The following ACSS3 variants were observed in gnomAD, a reference collection of about 807,000 sequenced individuals.
ACSS3 encodes the protein acyl-CoA synthetase short-chain family member 3, mitochondrial.
A neutral mutation model predicts 84.2 loss-of-function variants in ACSS3; 64 were observed. The ratio of observed to expected loss-of-function variants is 0.76; its 90% CI spans 0.62 to 0.94. The LOEUF is 0.94. Ranked by LOEUF, ACSS3 falls within the 40% of genes least tolerant of loss-of-function variation. The pLI is 0.00. For synonymous variants in ACSS3, 317 were observed against 310.1 expected (o/e 1.02, Z -0.23); for missense variants, 815 against 867.6 (o/e 0.94, Z 0.76).
At chr12:81,087,748 C>T (rs541809206) in intron 1 of ACSS3, among the ~76,000 whole-genome samples, 1 of 152,052 alleles carries the variant, frequency 6.6e-6, no homozygotes, top group Non-Finnish European at 1.5e-5. Context: ...ACTGTGCCTT[C>T]CTCTAACTCT....
At position 81,255,405 on chromosome 12, in the gene ACSS3, G is replaced by A. The variant is rs969294980; in HGVS notation, c.*483G>A. 1 of 152,538 alleles carries A rather than the reference G, an allele frequency of 6.6e-6. No homozygotes were observed. The highest frequency in any genetic ancestry group is 6.5e-5 in the Admixed American group (1 of 15,284). The allele number at this position is 152,538 out of a possible 1,614,324, so 9.4% of individuals were successfully genotyped here. ...TTAAATAAAATAGATGAAATGGGAA[G>A]TTTAGGTAATCATCTAGACAGATGA... is the stretch of plus-strand genomic sequence containing the variant. On this transcript the variant is annotated 3_prime_UTR_variant, in exon 16 of 16. Transcript: ENST00000548058.
intron 13 of ACSS3, among the ~76,000 whole-genome samples, chr12:81,246,280 G>A (rs1404029575): frequency 6.6e-6 from 1 of 152,178 alleles, no homozygotes; most frequent in East Asian, 1.9e-4. Flanking sequence ...ATTTTCTGCA[G>A]CTCTGTAGAG....
intron 8 of ACSS3, among the ~76,000 whole-genome samples, chr12:81,198,204 C>G (rs909809983): frequency 5.9e-5 from 9 of 152,088 alleles, no homozygotes; most frequent in Admixed American, 5.9e-4. Context: ...TTCTGAGCAT[C>G]TAGAAATGTT....
chr12:81,087,567 C>G (rs752331114), intron 1 of ACSS3, among the ~76,000 whole-genome samples: 12 of 152,052 alleles, frequency 7.9e-5, no homozygotes, highest in Non-Finnish European at 1.5e-4. Context: ...GTATTATTGT[C>G]CATTTGCTAA....
chr12:81,140,574 T>C (rs545032764), intron 4 of ACSS3, among the ~76,000 whole-genome samples: 1 of 152,352 alleles, frequency 6.6e-6, no homozygotes, highest in Admixed American at 6.5e-5. Flanking sequence ...AATTCCTGTG[T>C]AAAGTTTTAG....
At chr12:81,088,391 G>A (rs1881456624) in intron 1 of ACSS3, among the ~76,000 whole-genome samples, 1 of 151,860 alleles carries the variant, frequency 6.6e-6, no homozygotes, top group Non-Finnish European at 1.5e-5. Context: ...ATGACTGTTG[G>A]GATAATTTAG....
At chr12:81,154,553 C>T (rs910108321) in intron 7 of ACSS3, among the ~76,000 whole-genome samples, 4 of 152,216 alleles carry the variant, frequency 2.6e-5, no homozygotes, top group African/African-American at 9.6e-5. Flanking sequence ...TAGACCTTTG[C>T]CTGCTTCAAC....
chr12:81,202,801 T>C (rs1209719892), intron 9 of ACSS3, among the ~76,000 whole-genome samples: 1 of 152,194 alleles, frequency 6.6e-6, no homozygotes, highest in African/African-American at 2.4e-5. Context: ...CTAAAACGTA[T>C]GAATAAAAAT....
intron 8 of ACSS3, among the ~76,000 whole-genome samples, chr12:81,191,588 G>T (rs1183349546): frequency 6.6e-6 from 1 of 152,156 alleles, no homozygotes; most frequent in Non-Finnish European, 1.5e-5. Context: ...AGGTTTTTAA[G>T]TTATGAATTC....
At chr12:81,093,231 A>G (rs560273051) in intron 1 of ACSS3, among the ~76,000 whole-genome samples, 60 of 152,148 alleles carry the variant, frequency 3.9e-4, no homozygotes, top group African/African-American at 1.1e-3. Context: ...AAGCGGATCA[A>G]TTGGGGTCAG....
At chr12:81,093,042 G>A (rs926863909) in intron 1 of ACSS3, among the ~76,000 whole-genome samples, 3 of 152,194 alleles carry the variant, frequency 2.0e-5, no homozygotes, top group South Asian at 2.1e-4. Flanking sequence ...GGTATAGGTT[G>A]GACATTAGAT....
intron 1 of ACSS3, among the ~76,000 whole-genome samples, chr12:81,100,834 C>T (rs2121418779): frequency 6.6e-6 from 1 of 152,258 alleles, no homozygotes; most frequent in African/African-American, 2.4e-5. Flanking sequence ...GTAGTAAGTA[C>T]CCACTGGCTT....
chr12:81,093,264 A>G (rs201153107), intron 1 of ACSS3, among the ~76,000 whole-genome samples: 1 of 152,212 alleles, frequency 6.6e-6, no homozygotes, highest in Non-Finnish European at 1.5e-5. Flanking sequence ...ATACTGACCA[A>G]CATGGTGAGA....
At chr12:81,166,822 G>A (rs900945944) in intron 7 of ACSS3, among the ~76,000 whole-genome samples, 1 of 152,204 alleles carries the variant, frequency 6.6e-6, no homozygotes, top group Non-Finnish European at 1.5e-5. Context: ...AGGTTGAATC[G>A]TAGTATGCAT....
intron 7 of ACSS3, among the ~76,000 whole-genome samples, chr12:81,166,335 T>A (rs1471021747): frequency 6.6e-6 from 1 of 152,212 alleles, no homozygotes; most frequent in East Asian, 1.9e-4. Flanking sequence ...AGTACTACAG[T>A]AGGAGGAACA....
chr12:81,189,009 G>A (rs1482267053), intron 8 of ACSS3, among the ~76,000 whole-genome samples: 5 of 151,852 alleles, frequency 3.3e-5, no homozygotes, highest in Admixed American at 3.3e-4. Context: ...AAATCATCTT[G>A]GAGTTATTCC....
chr12:81,145,536 C>T (rs763321373), intron 5 of ACSS3, among the ~76,000 whole-genome samples: 19 of 152,268 alleles, frequency 1.2e-4, no homozygotes, highest in Middle Eastern at 3.4e-3. Flanking sequence ...TAGGTGACTA[C>T]ACACAATGGA....
At chr12:81,247,885 A>C (rs919361368) in intron 13 of ACSS3, among the ~76,000 whole-genome samples, 3 of 152,056 alleles carry the variant, frequency 2.0e-5, no homozygotes. Flanking sequence ...ACTTTTTGGA[A>C]TAGGAATTGA....
intron 9 of ACSS3, among the ~76,000 whole-genome samples, chr12:81,212,741 G>C (rs1025572047): frequency 6.6e-6 from 1 of 152,114 alleles, no homozygotes; most frequent in African/African-American, 2.4e-5. Context: ...TTCAGAGTCA[G>C]AAATTTTAAA....
Sources: allele counts gnomAD v4.1 joint callset (sites outside exome capture counted in the v4.1 genomes callset), GRCh38; gene constraint gnomAD v4.1.1; transcripts MANE v1.5; gene names NCBI Gene and HGNC (gene_info 2026-07-23, HGNC 2026-07-21).